Variants in FDFT1 observed in about 807,000 individuals in gnomAD.
FDFT1 encodes the protein squalene synthase.
A neutral mutation model predicts 46.8 loss-of-function variants in FDFT1; 68 were observed. The ratio of observed to expected loss-of-function variants is 1.45; its 90% confidence interval spans 1.19 to 1.78. FDFT1 has a LOEUF of 1.78. Ranked by LOEUF, FDFT1 falls within the 40% of genes most tolerant of loss-of-function variation. The pLI is 0.00. For synonymous variants in FDFT1, 351 were observed against 185.1 expected, an observed-to-expected ratio of 1.90 and a Z score of -7.28; for missense variants, 928 against 524.4, an observed-to-expected ratio of 1.77 and a Z score of -7.52.
chr8:11,815,358 G>T (rs1376530661), intron 3 of FDFT1, among the ~76,000 whole-genome samples: 1 of 152,156 alleles, frequency 6.6e-6, no homozygotes, highest in African/African-American at 2.4e-5. Context: ...ATAGTTGGAC[G>T]AGTTATAATC....
Position 11,821,994 on chromosome 8 carries a change from A to T in FDFT1, c.510+116A>T, listed in dbSNP as rs751534736. On this transcript the variant is annotated intron_variant, in intron 4 of 7. Coordinates refer to ENST00000220584, the MANE Select transcript of FDFT1 (RefSeq NM_004462.5). ...TATTTTCAGCCCCTCTGGTTTTACA[A>T]TTCATCTGTTTAGGTTGAATGTCTC... The T allele has an allele frequency of 3.6e-5, 45 of 1,246,458 alleles. No individual in the cohort carries two copies. In the Admixed American group the frequency reaches 6.5e-4, roughly 18 times the overall value. 77.2% of individuals were successfully genotyped at this position (1,246,458 alleles called of 1,614,324 possible).
intron 1 of FDFT1, among the ~76,000 whole-genome samples, chr8:11,804,594 G>C (rs923945061): frequency 1.7e-5 from 2 of 120,170 alleles, no homozygotes; most frequent in Non-Finnish European, 3.4e-5. Flanking sequence ...CATTATCTTA[G>C]TTTCTCTTTT....
upstream of FDFT1, among the ~76,000 whole-genome samples, chr8:11,801,261 T>G (rs764608052): frequency 1.3e-5 from 2 of 152,164 alleles, no homozygotes; most frequent in African/African-American, 4.8e-5. Context: ...TCCCTATAGG[T>G]GCTTTGGCTT....
At chr8:11,819,816 G>A (rs1808972966) in intron 3 of FDFT1, among the ~76,000 whole-genome samples, 2 of 152,038 alleles carry the variant, frequency 1.3e-5, no homozygotes, top group African/African-American at 4.8e-5. Context: ...GGAGAAGTTT[G>A]TTATTACCAA....
chr8:11,808,614 A>C, intron 1 of FDFT1, 180 bp from the exon 2 acceptor site: 1 of 1,391,138 alleles, frequency 7.2e-7, no homozygotes, highest in South Asian at 1.6e-5. Flanking sequence ...GGGCGCAGGC[A>C]CCGCCCCGCG....
In FDFT1 at chr8:11,838,451, A is replaced by T. The variant is rs565608299; in HGVS notation, c.1096A>T (p.Ile366Phe). The T allele has an allele frequency of 1.2e-6, 2 of 1,609,062 alleles. No individual in the cohort carries two copies. Among genetic ancestry groups the T allele is most frequent in the African/African-American group, 1.3e-5 (1 of 74,904 alleles). ...SSKTRQIIST[I>F]RTQNLPNCQL... ...CAAAACAAGGCAGATCATCTCCACC[A>T]TCCGGACGCAGAATCTTCCCAACTG... The change falls in exon 8 of 8, where the codon ATC becomes TTC. Residue 366 changes from isoleucine to phenylalanine, a missense_variant. Coordinates refer to ENST00000220584, the MANE Select transcript of FDFT1 (RefSeq NM_004462.5).
At chr8:11,837,267 G>A (rs938578958) in intron 7 of FDFT1, among the ~76,000 whole-genome samples, 6 of 152,218 alleles carry the variant, frequency 3.9e-5, no homozygotes, top group East Asian at 1.9e-4. Flanking sequence ...GTCTTGTTCT[G>A]TCATCCAGGC....
At chr8:11,797,591 G>C (rs1805688255), upstream of FDFT1, among the ~76,000 whole-genome samples, 1 of 132,522 alleles carries the variant, frequency 7.5e-6, no homozygotes, top group Non-Finnish European at 1.5e-5. Flanking sequence ...CTAGGAGTTT[G>C]AGCCAGCCTG....
intron 3 of FDFT1, among the ~76,000 whole-genome samples, chr8:11,820,775 C>T (rs537009886): frequency 8.5e-5 from 13 of 152,348 alleles, no homozygotes; most frequent in South Asian, 2.1e-4. Flanking sequence ...CAGTCACTCA[C>T]GCCTTTCCTT....
chr8:11,835,070 G>C (rs112209617), intron 7 of FDFT1, among the ~76,000 whole-genome samples: 2,815 of 152,278 alleles, frequency 0.018, 91 homozygotes, highest in African/African-American at 0.064. Flanking sequence ...GTTGTAGTGA[G>C]CTGAGATGGC....
At chr8:11,801,744 A>G (rs1585839763), upstream of FDFT1, 1 of 322,624 alleles carries the variant, frequency 3.1e-6, no homozygotes, top group Admixed American at 4.3e-5. Flanking sequence ...GCCTGGCTGG[A>G]GTGCAGCGGT....
chr8:11,822,165 ATAAGG>A (rs147891726), intron 4 of FDFT1, among the ~76,000 whole-genome samples: 1 of 152,334 alleles, frequency 6.6e-6, no homozygotes, highest in East Asian at 1.9e-4. Flanking sequence ...ACATCAAAAC[ATAAGG>A]TAGGGTTAGG....
At chr8:11,797,653 A>AC (rs1805698175), upstream of FDFT1, among the ~76,000 whole-genome samples, 1 of 151,514 alleles carries the variant, frequency 6.6e-6, no homozygotes, top group Non-Finnish European at 1.5e-5. Context: ...AAAAAAAAAA[A>AC]AAAAAAAGAA....
intron 7 of FDFT1, 101 bp downstream of exon 7, chr8:11,831,771 C>G (rs1419963211): frequency 1.0e-6 from 1 of 999,676 alleles, no homozygotes; most frequent in African/African-American, 1.6e-5. Flanking sequence ...CCTAACAATT[C>G]ACTATCCTGT....
intron 7 of FDFT1, among the ~76,000 whole-genome samples, chr8:11,834,961 T>G (rs952552210): frequency 6.6e-6 from 1 of 152,150 alleles, no homozygotes; most frequent in African/African-American, 2.4e-5. Flanking sequence ...CTGTCTCTAC[T>G]AAAAATACAA....
intron 4 of FDFT1, among the ~76,000 whole-genome samples, chr8:11,823,243 C>T (rs1809507753): frequency 6.6e-6 from 1 of 152,088 alleles, no homozygotes; most frequent in Non-Finnish European, 1.5e-5. Flanking sequence ...GCATGACCAG[C>T]CAATTATTTC....
intron 5 of FDFT1, among the ~76,000 whole-genome samples, chr8:11,827,441 G>A (rs563586332): frequency 3.3e-5 from 5 of 151,676 alleles, no homozygotes; most frequent in Admixed American, 6.6e-5. Context: ...TCCCTTGAGC[G>A]CAGGAGCTCA....
intron 4 of FDFT1, among the ~76,000 whole-genome samples, chr8:11,823,475 T>G (rs758030104): frequency 1.3e-5 from 2 of 152,230 alleles, no homozygotes; most frequent in Non-Finnish European, 2.9e-5. Context: ...TTTCACTCTT[T>G]TCATGTTACT....
At chr8:11,823,073 G>A (rs1025425260) in intron 4 of FDFT1, among the ~76,000 whole-genome samples, 1 of 152,126 alleles carries the variant, frequency 6.6e-6, no homozygotes, top group Admixed American at 6.6e-5. Flanking sequence ...TCCCACCTCA[G>A]CCTACCGAGT....
Sources: allele counts gnomAD v4.1 joint callset (sites outside exome capture counted in the v4.1 genomes callset), GRCh38; gene constraint gnomAD v4.1.1; transcripts MANE v1.5; gene names NCBI Gene and HGNC (gene_info 2026-07-23, HGNC 2026-07-21).